The following MAPK6 variants were observed in gnomAD, a reference collection of about 807,000 sequenced individuals.
MAPK6 encodes the protein mitogen-activated protein kinase 6.
A neutral mutation model predicts 59.3 loss-of-function variants in MAPK6; 19 were observed. The ratio of observed to expected loss-of-function variants is 0.32; its 90% CI spans 0.22 to 0.47. The LOEUF (loss-of-function observed/expected upper bound fraction) is 0.47. Ranked by LOEUF, MAPK6 falls within the 20% of genes least tolerant of loss-of-function variation. The pLI, the probability that MAPK6 is intolerant of heterozygous loss-of-function variation, is 1.00. For missense variants in MAPK6, 724 were observed against 847.9 expected (o/e 0.85, Z 1.81); for synonymous variants, 316 against 290.3 (o/e 1.09, Z -0.90).
At chr15:51,986,377 T>G (rs546640277) in intron 2 of MAPK6, among the ~76,000 whole-genome samples, 1 of 143,738 alleles carries the variant, frequency 7.0e-6, no homozygotes, top group Non-Finnish European at 1.5e-5. Flanking sequence ...CCCAATTTCG[T>G]TTTTTTTTTA....
At chr15:52,060,014 GA>G (rs2032137649) in intron 4 of MAPK6, among the ~76,000 whole-genome samples, 1 of 152,104 alleles carries the variant, frequency 6.6e-6, no homozygotes, top group African/African-American at 2.4e-5. Context: ...AGACTCCTAG[GA>G]GCCCTACTCT....
At chr15:51,982,080 A>G (rs942889359) in intron 1 of MAPK6, among the ~76,000 whole-genome samples, 5 of 152,220 alleles carry the variant, frequency 3.3e-5, no homozygotes, top group African/African-American at 1.2e-4. Flanking sequence ...CAGGAAATGT[A>G]GACTTCCCTG....
chr15:51,974,972 C>T (rs1566891996), intron 1 of MAPK6, among the ~76,000 whole-genome samples: 1 of 151,384 alleles, frequency 6.6e-6, no homozygotes, highest in Non-Finnish European at 1.5e-5. Flanking sequence ...TCCACCTCAA[C>T]CTCCCAAATG....
chr15:52,026,302 T>A (rs536420853), intron 1 of MAPK6, among the ~76,000 whole-genome samples: 7 of 152,232 alleles, frequency 4.6e-5, no homozygotes, highest in African/African-American at 1.7e-4. Context: ...GTTGTTGTCG[T>A]TGTTTTGAGA....
At chr15:52,012,662 G>A (rs1385429488) in intron 3 of MAPK6, among the ~76,000 whole-genome samples, 1 of 151,920 alleles carries the variant, frequency 6.6e-6, no homozygotes, top group East Asian at 1.9e-4. Context: ...GCTCCCTTAA[G>A]TTTAATAAGT....
chr15:51,980,201 A>G (rs2057169045), intron 1 of MAPK6, among the ~76,000 whole-genome samples: 1 of 150,804 alleles, frequency 6.6e-6, no homozygotes, highest in South Asian at 2.1e-4. Flanking sequence ...AGGCTGAGGC[A>G]GGAGAATCAC....
At chr15:51,975,586 G>A (rs1297258373) in intron 1 of MAPK6, among the ~76,000 whole-genome samples, 3 of 151,504 alleles carry the variant, frequency 2.0e-5, no homozygotes, top group Non-Finnish European at 2.9e-5. Context: ...CACACAAAAA[G>A]GAATATATGT....
At chr15:51,992,302 T>A (rs2057211895) in intron 2 of MAPK6, among the ~76,000 whole-genome samples, 1 of 72,966 alleles carries the variant, frequency 1.4e-5, no homozygotes, top group Non-Finnish European at 2.7e-5. Context: ...TATATATATA[T>A]ATATTTTTTT....
intron 2 of MAPK6, among the ~76,000 whole-genome samples, chr15:51,994,455 C>A (rs1005657163): frequency 2.0e-5 from 3 of 152,012 alleles, no homozygotes; most frequent in South Asian, 2.1e-4. Context: ...AATTTAGGTT[C>A]GTCTGAGGTT....
At chr15:52,022,293 C>G (rs946983802) in intron 1 of MAPK6, among the ~76,000 whole-genome samples, 1 of 152,188 alleles carries the variant, frequency 6.6e-6, no homozygotes, top group Admixed American at 6.5e-5. Flanking sequence ...CAGGGTCTTG[C>G]TCTGTCACCC....
intron 3 of MAPK6, among the ~76,000 whole-genome samples, chr15:52,058,356 C>T (rs1382965091): frequency 1.3e-5 from 2 of 151,036 alleles, no homozygotes; most frequent in African/African-American, 2.4e-5. Context: ...ATCTCAGTTG[C>T]TTTTTTTTTC....
At chr15:51,987,462 G>A (rs979741831) in intron 2 of MAPK6, among the ~76,000 whole-genome samples, 2 of 151,968 alleles carry the variant, frequency 1.3e-5, no homozygotes, top group African/African-American at 4.8e-5. Context: ...AAAATTAACC[G>A]GGCATGGTGG....
intron 1 of MAPK6, among the ~76,000 whole-genome samples, chr15:52,028,546 G>C (rs978684860): frequency 6.6e-6 from 1 of 152,148 alleles, no homozygotes; most frequent in South Asian, 2.1e-4. Context: ...ATGTGTGGCT[G>C]TTAAAAGAAA....
At chr15:52,023,839 C>G (rs2030646142) in intron 1 of MAPK6, among the ~76,000 whole-genome samples, 1 of 152,164 alleles carries the variant, frequency 6.6e-6, no homozygotes, top group African/African-American at 2.4e-5. Context: ...GGTCTCATCT[C>G]CTGACCTTGT....
chr15:52,023,784 G>C (rs948676956), intron 1 of MAPK6, among the ~76,000 whole-genome samples: 5 of 152,090 alleles, frequency 3.3e-5, no homozygotes, highest in Admixed American at 2.0e-4. Context: ...GCTAATTTTT[G>C]TATTTTTTTT....
At chr15:52,039,263 A>G (rs1319393461) in intron 1 of MAPK6, among the ~76,000 whole-genome samples, 3 of 152,126 alleles carry the variant, frequency 2.0e-5, no homozygotes, top group Non-Finnish European at 4.4e-5. Flanking sequence ...CCCAAAGTGC[A>G]TGAGCCACCA....
chr15:52,022,472 G>A (rs1389484668), intron 1 of MAPK6, among the ~76,000 whole-genome samples: 1 of 152,066 alleles, frequency 6.6e-6, no homozygotes, highest in African/African-American at 2.4e-5. Flanking sequence ...GTGTTGCCCA[G>A]GCTGTTCTTG....
At position 52,066,790 on chromosome 15, in the gene MAPK6, GTGTATATA is replaced by G. The variant is rs2032435377; in HGVS notation, c.*1792_*1799del. The G allele has an allele frequency of 7.1e-6, 1 of 141,042 alleles. No individual in the cohort carries two copies. The highest frequency in any genetic ancestry group is 2.6e-5 in the African/African-American group (1 of 37,952). 8.7% of individuals were successfully genotyped at this position (141,042 alleles called of 1,614,324 possible). ...TGTGTGTGTGTGTGTGTGTGTGTGT[GTGTATATA>G]TATTCATTTATTTATTTTCTGGTTG... On this transcript the variant is annotated 3_prime_UTR_variant, in exon 6 of 6. Transcript: ENST00000261845.
intron 1 of MAPK6, among the ~76,000 whole-genome samples, chr15:52,044,177 TG>T (rs965744003): frequency 1.3e-5 from 2 of 151,472 alleles, no homozygotes; most frequent in African/African-American, 4.9e-5. Context: ...ACTTTTTTTT[TG>T]GGGGGGCGGG....
Sources: allele counts gnomAD v4.1 joint callset (sites outside exome capture counted in the v4.1 genomes callset), GRCh38; gene constraint gnomAD v4.1.1; transcripts MANE v1.5; gene names NCBI Gene and HGNC (gene_info 2026-07-23, HGNC 2026-07-21).